NXPE4: variants seen among roughly 807,000 people sequenced by gnomAD.
NXPE4 encodes the protein NXPE family member 4.
In NXPE4, 42 loss-of-function variants were observed where a neutral mutation model predicts 33.3. The observed-to-expected ratio is 1.26, with a 90% CI of 0.98 to 1.63. NXPE4 has a LOEUF of 1.63. Ranked by LOEUF, NXPE4 falls within the 40% of genes most tolerant of loss-of-function variation. NXPE4 has a pLI of 0.00. For missense variants in NXPE4, 709 were observed against 647.6 expected, an observed-to-expected ratio of 1.09 and a Z score of -1.03; for synonymous variants, 253 against 234.9, an observed-to-expected ratio of 1.08 and a Z score of -0.71.
the NXPE4 span, among the ~76,000 whole-genome samples, chr11:114,632,465 TATATATACTATATAATACTCCATA>T: frequency 7.8e-6 from 1 of 128,922 alleles, no homozygotes; most frequent in East Asian, 2.1e-4. Context: ...AGTTATACAT[TATATATACTATATAATACTCCATA>T]ATATATATTA....
At chr11:114,619,362 T>G in the NXPE4 span, among the ~76,000 whole-genome samples, 1 of 150,502 alleles carries the variant, frequency 6.6e-6, no homozygotes, top group African/African-American at 2.5e-5. Flanking sequence ...ACCCGGTAGA[T>G]AATAAGTGTT....
chr11:114,677,276 C>A, the NXPE4 span, among the ~76,000 whole-genome samples: 1 of 151,980 alleles, frequency 6.6e-6, no homozygotes, highest in Non-Finnish European at 1.5e-5. Context: ...CTTAAGCGTT[C>A]TCACCACACA....
the NXPE4 span, among the ~76,000 whole-genome samples, chr11:114,646,026 A>T: frequency 6.6e-6 from 1 of 152,054 alleles, no homozygotes; most frequent in African/African-American, 2.4e-5. Context: ...AAATCTCTTG[A>T]TTTTGCTAGG....
intron 4 of NXPE4, among the ~76,000 whole-genome samples, chr11:114,581,275 G>A (rs191757117): frequency 6.6e-6 from 1 of 152,172 alleles, no homozygotes; most frequent in Admixed American, 6.5e-5. Context: ...GCTAACAATT[G>A]TTTGAAAGGT....
chr11:114,672,273 A>T, the NXPE4 span, among the ~76,000 whole-genome samples: 1 of 152,026 alleles, frequency 6.6e-6, no homozygotes, highest in Non-Finnish European at 1.5e-5. Context: ...CATAAAAACC[A>T]TGAATAATAA....
At chr11:114,626,665 G>A in the NXPE4 span, among the ~76,000 whole-genome samples, 2 of 152,198 alleles carry the variant, frequency 1.3e-5, no homozygotes, top group Non-Finnish European at 2.9e-5. Flanking sequence ...GAACAAAGCT[G>A]GACGGAGAAT....
the NXPE4 span, among the ~76,000 whole-genome samples, chr11:114,603,273 A>T: frequency 1.3e-5 from 2 of 150,214 alleles, no homozygotes; most frequent in African/African-American, 2.5e-5. Context: ...TTCCTGGTGG[A>T]TGATAAGTAT....
the NXPE4 span, among the ~76,000 whole-genome samples, chr11:114,671,036 A>AAT: frequency 1.0e-3 from 148 of 148,152 alleles, no homozygotes; most frequent in Admixed American, 2.2e-3. Flanking sequence ...AATAAGGACA[A>AAT]ATATATATAT....
the NXPE4 span, among the ~76,000 whole-genome samples, chr11:114,608,694 C>T: frequency 6.6e-6 from 1 of 151,906 alleles, no homozygotes. Context: ...CCCAGGTAAC[C>T]ACTGTAACCA....
At chr11:114,665,257 A>T in the NXPE4 span, among the ~76,000 whole-genome samples, 1 of 152,140 alleles carries the variant, frequency 6.6e-6, no homozygotes, top group Non-Finnish European at 1.5e-5. Flanking sequence ...ATATTCTCTC[A>T]ACCAGCTTTA....
At chr11:114,675,619 G>A in the NXPE4 span, among the ~76,000 whole-genome samples, 1 of 151,764 alleles carries the variant, frequency 6.6e-6, no homozygotes, top group Non-Finnish European at 1.5e-5. Flanking sequence ...TTCATAGAAT[G>A]ATATCCTGTG....
At chr11:114,576,860 T>A (rs1028654801) in intron 5 of NXPE4, among the ~76,000 whole-genome samples, 2 of 151,232 alleles carry the variant, frequency 1.3e-5, no homozygotes, top group Non-Finnish European at 3.0e-5. Flanking sequence ...GGAAGAAAAG[T>A]CATTATACGA....
the NXPE4 span, among the ~76,000 whole-genome samples, chr11:114,631,924 G>A: frequency 2.1e-4 from 32 of 150,888 alleles, 1 homozygote; most frequent in African/African-American, 6.1e-4. Context: ...ACTGTTACCC[G>A]GTGGATAATA....
rs766347035 is a variant in NXPE4, at chr11:114,571,242, A to G, written c.1331T>C (p.Ile444Thr). The G allele has an allele frequency of 2.0e-5, 33 of 1,613,952 alleles. No homozygotes were observed. The highest frequency in any genetic ancestry group is 1.6e-4 in the South Asian group (15 of 91,092). Residue 444 changes from isoleucine (I) to threonine (T), a missense_variant, in exon 6 of 6, where the codon ATT becomes ACT. By Grantham distance (89) the Ile-to-Thr change is moderately conservative. Transcript: ENST00000375478. ...SLGQHFRPFP[I>T]DVFIRRALNV... The stretch of plus-strand genomic sequence containing the variant: ...GAGGGCCCTTCGGATAAAAACATCA[A>G]TGGGAAAGGGTCTGAAATGCTGGCC...
At chr11:114,673,106 A>T in the NXPE4 span, among the ~76,000 whole-genome samples, 1 of 148,682 alleles carries the variant, frequency 6.7e-6, no homozygotes, top group South Asian at 2.1e-4. Context: ...TATATATAAA[A>T]TAATTGAAAT....
At chr11:114,638,729 C>T in the NXPE4 span, among the ~76,000 whole-genome samples, 1 of 152,044 alleles carries the variant, frequency 6.6e-6, no homozygotes, top group Non-Finnish European at 1.5e-5. Context: ...TAGAAGTCTA[C>T]TCCAGACCCT....
At chr11:114,633,821 T>A in the NXPE4 span, among the ~76,000 whole-genome samples, 1 of 152,048 alleles carries the variant, frequency 6.6e-6, no homozygotes, top group Non-Finnish European at 1.5e-5. Context: ...TGCATAGTAT[T>A]CCATGGTGTA....
the NXPE4 span, among the ~76,000 whole-genome samples, chr11:114,674,807 C>A: frequency 6.6e-6 from 1 of 151,784 alleles, no homozygotes; most frequent in Non-Finnish European, 1.5e-5. Flanking sequence ...TTTTAGATGA[C>A]CAGCATTGTC....
At chr11:114,615,097 G>T in the NXPE4 span, among the ~76,000 whole-genome samples, 1 of 151,918 alleles carries the variant, frequency 6.6e-6, no homozygotes, top group Non-Finnish European at 1.5e-5. Context: ...AATAAGTGTT[G>T]CTTCATGGGT....
Sources: gnomAD v4.1 joint callset for allele counts (sites outside exome capture counted in the v4.1 genomes callset) on GRCh38, gnomAD v4.1.1 for gene constraint, MANE v1.5 for transcripts, NCBI Gene and HGNC (gene_info 2026-07-23, HGNC 2026-07-21) for gene names.